RGS7: variants seen among roughly 807,000 people sequenced by gnomAD.
The protein encoded by RGS7 is regulator of G-protein signaling 7.
In RGS7, 27 loss-of-function variants were observed where a neutral mutation model predicts 81.1. The ratio of observed to expected loss-of-function variants is 0.33; its 90% confidence interval spans 0.25 to 0.46. The LOEUF (loss-of-function observed/expected upper bound fraction) is 0.46, where lower values mean the gene tolerates loss of function less well. Among genes scored for constraint, RGS7 ranks in the 20% least tolerant of loss-of-function variants. RGS7 has a pLI of 1.00. For missense variants in RGS7, 396 were observed against 607.4 expected (o/e 0.65, Z 3.66); for synonymous variants, 208 against 207.7 (o/e 1.00, Z -0.01).
At chr1:240,900,270 G>A (rs984259682) in intron 6 of RGS7, among the ~76,000 whole-genome samples, 48 of 152,062 alleles carry the variant, frequency 3.2e-4, no homozygotes, top group African/African-American at 1.1e-3. Flanking sequence ...ATTACCGATC[G>A]TCTGAAGCCT....
intron 2 of RGS7, among the ~76,000 whole-genome samples, chr1:241,229,072 A>G (rs1043464087): frequency 1.6e-4 from 24 of 152,116 alleles, no homozygotes; most frequent in Non-Finnish European, 2.8e-4. Flanking sequence ...AAAAAAAAAA[A>G]AAGAAGGAAA....
At chr1:241,124,176 T>C (rs2066486936) in intron 2 of RGS7, among the ~76,000 whole-genome samples, 1 of 151,850 alleles carries the variant, frequency 6.6e-6, no homozygotes, top group African/African-American at 2.4e-5. Context: ...GGAGGACTGC[T>C]TGAGACCAGG....
At chr1:241,152,267 AC>A (rs2068810325) in intron 2 of RGS7, among the ~76,000 whole-genome samples, 1 of 151,990 alleles carries the variant, frequency 6.6e-6, no homozygotes, top group South Asian at 2.1e-4. Flanking sequence ...AACAACAAAA[AC>A]CCCATCCAGG....
intron 2 of RGS7, among the ~76,000 whole-genome samples, chr1:241,217,182 T>A (rs2147962172): frequency 6.6e-6 from 1 of 152,248 alleles, no homozygotes; most frequent in East Asian, 1.9e-4. Context: ...CCACTGAGCT[T>A]GCTTTCTCTC....
chr1:241,197,181 T>G (rs1398677817), intron 2 of RGS7, among the ~76,000 whole-genome samples: 1 of 151,168 alleles, frequency 6.6e-6, no homozygotes, highest in African/African-American at 2.4e-5. Context: ...TCACCTTAAA[T>G]ATAAGAATAT....
At chr1:240,951,883 A>G (rs1268161828) in intron 4 of RGS7, among the ~76,000 whole-genome samples, 1 of 152,206 alleles carries the variant, frequency 6.6e-6, no homozygotes, top group Admixed American at 6.5e-5. Context: ...TCTTGAAAAA[A>G]GCGAGAAAAA....
chr1:240,788,363 C>A (rs945581006), intron 18 of RGS7, among the ~76,000 whole-genome samples: 1 of 152,094 alleles, frequency 6.6e-6, no homozygotes, highest in Non-Finnish European at 1.5e-5. Flanking sequence ...ATGTGAGGAC[C>A]TAATTGGACA....
In RGS7 at chr1:240,875,278, C is replaced by T. The variant is rs576748082; in HGVS notation, c.386-5159G>A. On this transcript the variant is annotated intron_variant, in intron 6 of 18. Coordinates refer to ENST00000440928, the MANE Select transcript of RGS7 (RefSeq NM_001364886.1). ...TTCAGATTCCACACGAGTGACATCA[C>T]GCAGTATTTGTGTTTCAGTGCCTGA... 1.9e-4 allele frequency among the ~76,000 whole-genome samples: 29 copies of T among 152,250 alleles called. 1 individual carries two copies. In the East Asian group the frequency reaches 4.4e-3, roughly 23 times the overall value.
intron 2 of RGS7, among the ~76,000 whole-genome samples, chr1:241,260,094 A>C (rs2077251577): frequency 6.6e-6 from 1 of 152,172 alleles, no homozygotes. Context: ...CCAAATTCTT[A>C]CTGCTTCGTC....
intron 4 of RGS7, among the ~76,000 whole-genome samples, chr1:240,950,119 A>G (rs79945913): frequency 0.024 from 3,634 of 152,252 alleles, 88 homozygotes; most frequent in African/African-American, 0.054. Flanking sequence ...ACATGAAAAT[A>G]GCTCTTCTGA....
Position 241,096,267 on chromosome 1 carries a change from G to C in RGS7, c.175+2399C>G, listed in dbSNP as rs111246434. Among the ~76,000 whole-genome samples, 860 of 152,158 alleles carry C rather than the reference G, an allele frequency of 5.7e-3. 7 individuals are homozygous for C. The highest frequency in any genetic ancestry group is 0.02 in the African/African-American group (816 of 41,502). On this transcript the variant is annotated intron_variant, in intron 3 of 18. Coordinates refer to ENST00000440928, the MANE Select transcript of RGS7 (RefSeq NM_001364886.1). The stretch of plus-strand genomic sequence containing the variant: ...GCGAGTTGGGCCACAAAAGAATAGA[G>C]GAATTAACAATCCCCACAGATTATA...
chr1:241,241,712 A>G (rs74816099), intron 2 of RGS7, among the ~76,000 whole-genome samples: 2,660 of 152,240 alleles, frequency 0.017, 84 homozygotes, highest in African/African-American at 0.061. Context: ...CTTTGCTACC[A>G]ATGACTCAGA....
chr1:240,984,418 G>A (rs1438762823), intron 3 of RGS7, among the ~76,000 whole-genome samples: 1 of 152,084 alleles, frequency 6.6e-6, no homozygotes, highest in East Asian at 1.9e-4. Flanking sequence ...AGGACTTTAC[G>A]ACTAATTAGG....
chr1:241,040,471 ACTTTT>A (rs1420440731), intron 3 of RGS7, among the ~76,000 whole-genome samples: 1 of 151,296 alleles, frequency 6.6e-6, no homozygotes, highest in Non-Finnish European at 1.5e-5. Context: ...CTCACTTTTT[ACTTTT>A]CTTTTTATTT....
intron 3 of RGS7, among the ~76,000 whole-genome samples, chr1:241,081,189 T>C (rs2063110804): frequency 6.6e-6 from 1 of 152,186 alleles, no homozygotes; most frequent in Non-Finnish European, 1.5e-5. Flanking sequence ...TCTATGTGGG[T>C]CAACTGGATC....
intron 3 of RGS7, among the ~76,000 whole-genome samples, chr1:241,089,021 A>ATCCCTC (rs2063667558): frequency 4.2e-5 from 1 of 23,652 alleles, no homozygotes; most frequent in African/African-American, 2.7e-4. Flanking sequence ...GCAAGACTCC[A>ATCCCTC]TCTCTCTCTC....
At chr1:241,214,524 T>C (rs2074436544) in intron 2 of RGS7, among the ~76,000 whole-genome samples, 1 of 152,122 alleles carries the variant, frequency 6.6e-6, no homozygotes, top group African/African-American at 2.4e-5. Context: ...GATTCTTGAA[T>C]CTGTGGGCGA....
intron 3 of RGS7, among the ~76,000 whole-genome samples, chr1:241,063,128 G>A (rs543463271): frequency 1.3e-5 from 2 of 152,278 alleles, no homozygotes; most frequent in South Asian, 4.1e-4. Context: ...TAAGCTCAGG[G>A]TAGACAGTTC....
At position 240,870,236 on chromosome 1, in the gene RGS7, C is replaced by A; in HGVS notation, c.386-117G>T. The A allele has an allele frequency of 3.5e-6, 3 of 846,818 alleles. No individual in the cohort carries two copies. The South Asian group carries it at 4.2e-5, about 12-fold the overall frequency. The allele number at this position is 846,818 out of a possible 1,614,324, so 52.5% of individuals were successfully genotyped here. A position where few individuals can be genotyped will look rare whatever the true frequency, so the allele number is the denominator to read the frequency against. On this transcript the variant is annotated intron_variant, in intron 6 of 18. Transcript: ENST00000440928. ...TTTTTCCCAAGTTGTAATTTTTGATCATTTTCTTAGACAAAAAATAATTAT... is the reference window on the plus strand; with the variant it reads ...TTTTTCCCAAGTTGTAATTTTTGATAATTTTCTTAGACAAAAAATAATTAT...
Sources: gnomAD v4.1 joint callset for allele counts (sites outside exome capture counted in the v4.1 genomes callset) on GRCh38, gnomAD v4.1.1 for gene constraint, MANE v1.5 for transcripts, NCBI Gene and HGNC (gene_info 2026-07-23, HGNC 2026-07-21) for gene names.